Variants in TMEM135 observed in about 807,000 individuals in gnomAD.
TMEM135 encodes the protein peroxisomal membrane protein 52.
TMEM135 carries 30 observed loss-of-function variants against 60.3 expected under a neutral mutation model. That is an observed-to-expected ratio of 0.50 (90% CI 0.37 to 0.68). TMEM135 has a LOEUF of 0.68. Ranked by LOEUF, TMEM135 falls within the 30% of genes least tolerant of loss-of-function variation. The probability of loss-of-function intolerance (pLI) is 0.00; values close to 1 mark genes in which losing one functional copy is unlikely to be tolerated. For missense variants in TMEM135, 468 were observed against 548.8 expected, an observed-to-expected ratio of 0.85 and a Z score of 1.47; for synonymous variants, 190 against 186.7, an observed-to-expected ratio of 1.02 and a Z score of -0.14.
intron 4 of TMEM135, among the ~76,000 whole-genome samples, chr11:87,130,430 T>G (rs956631052): frequency 6.6e-6 from 1 of 152,168 alleles, no homozygotes; most frequent in African/African-American, 2.4e-5. Flanking sequence ...GAAAGTAATG[T>G]TCTATTGAGA....
intron 6 of TMEM135, among the ~76,000 whole-genome samples, chr11:87,293,931 C>T (rs543714769): frequency 2.8e-4 from 43 of 152,312 alleles, no homozygotes; most frequent in Admixed American, 1.5e-3. Flanking sequence ...CTTGAGGAAT[C>T]GCTATACTGT....
At chr11:87,174,358 GA>G (rs939700880) in intron 5 of TMEM135, among the ~76,000 whole-genome samples, 1 of 151,656 alleles carries the variant, frequency 6.6e-6, no homozygotes, top group South Asian at 2.1e-4. Flanking sequence ...TATCATGTAG[GA>G]AAAAAAAGAA....
rs529818264 is a variant in TMEM135, at chr11:87,263,083, A to G, written c.509+26399A>G. On this transcript the variant is annotated intron_variant, in intron 6 of 14. Coordinates refer to ENST00000305494, the MANE Select transcript of TMEM135 (RefSeq NM_022918.4). Reference sequence around the variant, plus strand: ...AATTACATTAAGAAGTACAACTGACATGAACACATTTGGGGACAAATACAG... The same window carrying G: ...AATTACATTAAGAAGTACAACTGACGTGAACACATTTGGGGACAAATACAG... Among the ~76,000 whole-genome samples the G allele has an allele frequency of 1.2e-3, 181 of 152,316 alleles. 1 individual carries two copies. The highest frequency in any genetic ancestry group is 4.3e-3 in the African/African-American group (177 of 41,578).
intron 12 of TMEM135, among the ~76,000 whole-genome samples, chr11:87,316,531 T>A (rs905298210): frequency 6.6e-6 from 1 of 152,044 alleles, no homozygotes; most frequent in Admixed American, 6.6e-5. Context: ...GGATCAAAGC[T>A]GAGAGAACAG....
chr11:87,259,111 GA>G, intron 6 of TMEM135: 1 of 865,164 alleles, frequency 1.2e-6, no homozygotes, highest in Non-Finnish European at 1.9e-6. Context: ...ACCCTCTTCG[GA>G]AACATCTCCA....
intron 4 of TMEM135, among the ~76,000 whole-genome samples, chr11:87,151,703 T>G (rs1333667738): frequency 4.6e-5 from 7 of 150,976 alleles, no homozygotes; most frequent in Non-Finnish European, 4.4e-5. Context: ...TTGGGCTGCT[T>G]TTTTTTTTCC....
chr11:87,135,827 C>G (rs1421882374), intron 4 of TMEM135, among the ~76,000 whole-genome samples: 1 of 151,976 alleles, frequency 6.6e-6, no homozygotes, highest in Non-Finnish European at 1.5e-5. Context: ...TCAATTTTGG[C>G]AGAATTAATT....
chr11:87,098,696 TA>T (rs1239730435), intron 4 of TMEM135, among the ~76,000 whole-genome samples: 1 of 151,900 alleles, frequency 6.6e-6, no homozygotes, highest in Non-Finnish European at 1.5e-5. Flanking sequence ...TATATATATA[TA>T]TATTTTTTTG....
At chr11:87,074,980 C>A (rs1263089388) in intron 3 of TMEM135, among the ~76,000 whole-genome samples, 1 of 152,020 alleles carries the variant, frequency 6.6e-6, no homozygotes, top group Non-Finnish European at 1.5e-5. Flanking sequence ...TGCTTTGTCA[C>A]CTAGGCTAGA....
chr11:87,120,871 C>T (rs1262146842), intron 4 of TMEM135, among the ~76,000 whole-genome samples: 6 of 152,102 alleles, frequency 3.9e-5, no homozygotes, highest in African/African-American at 1.4e-4. Flanking sequence ...ACTTTGTTAT[C>T]TTGAATTAAA....
chr11:87,244,323 G>A (rs1299428742), intron 6 of TMEM135, among the ~76,000 whole-genome samples: 1 of 70,506 alleles, frequency 1.4e-5, no homozygotes, highest in Non-Finnish European at 3.3e-5. Flanking sequence ...TTTTTTGGTT[G>A]TGTCTCTGCC....
intron 6 of TMEM135, among the ~76,000 whole-genome samples, chr11:87,289,495 C>T (rs186880870): frequency 5.8e-4 from 73 of 124,868 alleles, no homozygotes; most frequent in East Asian, 1.4e-3. Context: ...GTCACCCAGG[C>T]TGGAGTGCAG....
chr11:87,102,161 A>T (rs1045943435), intron 4 of TMEM135, among the ~76,000 whole-genome samples: 1 of 152,122 alleles, frequency 6.6e-6, no homozygotes, highest in Non-Finnish European at 1.5e-5. Context: ...CCACTGGTTG[A>T]GGGCTCAGTT....
At chr11:87,178,562 A>G (rs1270905845) in intron 5 of TMEM135, 1 of 455,226 alleles carries the variant, frequency 2.2e-6, no homozygotes. Flanking sequence ...AGTAGCTGGG[A>G]CTACAGGGGT....
At chr11:87,116,136 A>T (rs1857874327) in intron 4 of TMEM135, among the ~76,000 whole-genome samples, 1 of 152,110 alleles carries the variant, frequency 6.6e-6, no homozygotes, top group South Asian at 2.1e-4. Flanking sequence ...GGCCAATGAG[A>T]TGTGTAAACA....
intron 3 of TMEM135, among the ~76,000 whole-genome samples, chr11:87,085,594 C>CA (rs1465411684): frequency 1.3e-5 from 2 of 151,924 alleles, no homozygotes; most frequent in Admixed American, 1.3e-4. Flanking sequence ...TTGCTCTACC[C>CA]AAAATACAAA....
At chr11:87,078,431 T>G (rs1199913419) in intron 3 of TMEM135, among the ~76,000 whole-genome samples, 2 of 152,188 alleles carry the variant, frequency 1.3e-5, no homozygotes, top group African/African-American at 4.8e-5. Flanking sequence ...TATTTATCTT[T>G]TAATTATTGA....
intron 6 of TMEM135, among the ~76,000 whole-genome samples, chr11:87,248,335 C>G (rs1254224467): frequency 6.6e-6 from 1 of 152,132 alleles, no homozygotes; most frequent in Non-Finnish European, 1.5e-5. Flanking sequence ...ACAAGGGTTC[C>G]TTTTCTTCAC....
At chr11:87,071,922 C>T (rs1296071930) in intron 3 of TMEM135, among the ~76,000 whole-genome samples, 2 of 152,246 alleles carry the variant, frequency 1.3e-5, no homozygotes, top group East Asian at 1.9e-4. Context: ...CCAGGCAGCT[C>T]ATTCCTGTAA....
Sources: allele counts gnomAD v4.1 joint callset (sites outside exome capture counted in the v4.1 genomes callset), GRCh38; gene constraint gnomAD v4.1.1; transcripts MANE v1.5; gene names NCBI Gene and HGNC (gene_info 2026-07-23, HGNC 2026-07-21).